Variants in CNBD1 observed in about 807,000 individuals in gnomAD.
The protein encoded by CNBD1 is cyclic nucleotide-binding domain-containing protein 1.
In CNBD1, 71 loss-of-function variants were observed where a neutral mutation model predicts 54.4. The observed-to-expected ratio is 1.30, with a 90% CI of 1.08 to 1.59. The LOEUF (loss-of-function observed/expected upper bound fraction) is 1.59. Ranked by LOEUF, CNBD1 falls within the 40% of genes most tolerant of loss-of-function variation. The pLI, the probability that CNBD1 is intolerant of heterozygous loss-of-function variation, is 0.00. For synonymous variants in CNBD1, 182 were observed against 170.7 expected, an observed-to-expected ratio of 1.07 and a Z score of -0.51; for missense variants, 659 against 518.0, an observed-to-expected ratio of 1.27 and a Z score of -2.64.
intron 10 of CNBD1, among the ~76,000 whole-genome samples, chr8:87,375,829 T>C (rs985971976): frequency 3.3e-5 from 5 of 151,924 alleles, no homozygotes; most frequent in African/African-American, 4.8e-5. Flanking sequence ...CGTCACTAAA[T>C]ACTTTCCTAA....
At chr8:87,141,114 T>C (rs953557047) in intron 4 of CNBD1, among the ~76,000 whole-genome samples, 4 of 152,218 alleles carry the variant, frequency 2.6e-5, no homozygotes, top group South Asian at 2.1e-4. Flanking sequence ...GTATTTACTA[T>C]TGGATTTTGT....
At chr8:87,193,376 GA>G (rs1423793513) in intron 4 of CNBD1, among the ~76,000 whole-genome samples, 2 of 152,030 alleles carry the variant, frequency 1.3e-5, no homozygotes, top group East Asian at 1.9e-4. Flanking sequence ...TTTTTAATTA[GA>G]AAAAAATCAC....
At position 87,395,952 on chromosome 8, in the gene CNBD1, G is replaced by A. The variant is rs539926127; in HGVS notation, c.214-32594G>A. On this transcript the variant is annotated intron_variant, in intron 2 of 7. Coordinates refer to the CNBD1 transcript ENST00000521593. ...ACTGCCGCCATGTGAAGAATGACAT[G>A]TTTACTTCCCCTTCTGCCATAATTG... Among the ~76,000 whole-genome samples, 5 of 151,980 alleles carry A rather than the reference G, an allele frequency of 3.3e-5. No individual in the cohort carries two copies. The South Asian group carries it at 1.0e-3, about 32-fold the overall frequency.
intron 4 of CNBD1, among the ~76,000 whole-genome samples, chr8:86,942,520 A>G (rs887559459): frequency 3.3e-5 from 5 of 152,208 alleles, no homozygotes; most frequent in African/African-American, 9.6e-5. Context: ...GATGGCTTTC[A>G]GCAGGGGGCC....
intron 10 of CNBD1, among the ~76,000 whole-genome samples, chr8:87,368,900 A>C (rs962045464): frequency 6.6e-6 from 1 of 151,850 alleles, no homozygotes; most frequent in Admixed American, 6.6e-5. Context: ...GCCCGCTTCC[A>C]AATGTCAGAT....
chr8:87,030,309 T>C (rs143526613), intron 4 of CNBD1, among the ~76,000 whole-genome samples: 3 of 152,320 alleles, frequency 2.0e-5, no homozygotes, highest in Non-Finnish European at 4.4e-5. Context: ...TCTCAAATTA[T>C]GATGTAATGG....
chr8:87,098,454 C>T (rs2130689450), intron 4 of CNBD1, among the ~76,000 whole-genome samples: 1 of 151,854 alleles, frequency 6.6e-6, no homozygotes, highest in South Asian at 2.1e-4. Flanking sequence ...TATGAGGTGT[C>T]CTGGGAGCAA....
intron 8 of CNBD1, 63 bp downstream of exon 8, chr8:87,286,734 C>T: frequency 1.8e-6 from 2 of 1,100,506 alleles, no homozygotes; most frequent in Admixed American, 2.5e-5. Context: ...AATTGAAATT[C>T]TTCATAGTTG....
chr8:87,304,445 A>G (rs1196775767), intron 8 of CNBD1, among the ~76,000 whole-genome samples: 1 of 151,744 alleles, frequency 6.6e-6, no homozygotes, highest in Non-Finnish European at 1.5e-5. Context: ...ATGAGAACAC[A>G]TGGACACAGG....
At chr8:87,179,126 G>A (rs190380185) in intron 4 of CNBD1, among the ~76,000 whole-genome samples, 39 of 152,246 alleles carry the variant, frequency 2.6e-4, no homozygotes, top group African/African-American at 8.7e-4. Flanking sequence ...GGCCAGGATA[G>A]TCTCGATCTC....
chr8:87,021,361 C>T (rs1279698594), intron 4 of CNBD1, among the ~76,000 whole-genome samples: 1 of 152,074 alleles, frequency 6.6e-6, no homozygotes, highest in Non-Finnish European at 1.5e-5. Context: ...TGTAGCAATT[C>T]TATTATCCTA....
At chr8:86,977,852 A>G (rs1428920773) in intron 4 of CNBD1, among the ~76,000 whole-genome samples, 1 of 152,174 alleles carries the variant, frequency 6.6e-6, no homozygotes, top group Non-Finnish European at 1.5e-5. Flanking sequence ...TTCAAAAACT[A>G]AAGAGAAGTG....
chr8:87,223,858 AC>A (rs1179964263), intron 5 of CNBD1, among the ~76,000 whole-genome samples: 2 of 152,118 alleles, frequency 1.3e-5, no homozygotes, highest in Non-Finnish European at 2.9e-5. Flanking sequence ...AGTCCCACCA[AC>A]AGTGTAAAAG....
At chr8:86,907,612 G>A (rs1451849164) in intron 3 of CNBD1, among the ~76,000 whole-genome samples, 2 of 151,338 alleles carry the variant, frequency 1.3e-5, no homozygotes, top group Admixed American at 6.6e-5. Context: ...AGGTTGCAGT[G>A]AGCCAAGATT....
intron 2 of CNBD1, among the ~76,000 whole-genome samples, chr8:87,406,056 A>G (rs776107601): frequency 3.3e-5 from 5 of 152,130 alleles, no homozygotes; most frequent in Non-Finnish European, 4.4e-5. Context: ...TTAAATATTT[A>G]TCAACCTAAA....
At chr8:87,162,338 A>T (rs941276632) in intron 4 of CNBD1, among the ~76,000 whole-genome samples, 2 of 152,120 alleles carry the variant, frequency 1.3e-5, no homozygotes, top group Non-Finnish European at 2.9e-5. Flanking sequence ...AAGCTTTGTG[A>T]TGGTAAAATT....
intron 2 of CNBD1, among the ~76,000 whole-genome samples, chr8:86,892,228 T>C (rs908472242): frequency 3.3e-5 from 5 of 152,106 alleles, no homozygotes; most frequent in Non-Finnish European, 7.4e-5. Context: ...TTTAGGTTCA[T>C]TCCTTCTGTT....
At chr8:87,158,536 C>T (rs1027488785) in intron 4 of CNBD1, among the ~76,000 whole-genome samples, 3 of 152,108 alleles carry the variant, frequency 2.0e-5, no homozygotes, top group African/African-American at 2.4e-5. Flanking sequence ...TACTTTTGAA[C>T]TCTGTTCATT....
chr8:87,226,706 A>T (rs955733271), intron 5 of CNBD1, among the ~76,000 whole-genome samples: 1 of 152,004 alleles, frequency 6.6e-6, no homozygotes, highest in African/African-American at 2.4e-5. Context: ...GCTGAAAAAA[A>T]TGTATATTCT....
Sources: gnomAD v4.1 joint callset for allele counts (sites outside exome capture counted in the v4.1 genomes callset) on GRCh38, gnomAD v4.1.1 for gene constraint, MANE v1.5 for transcripts, NCBI Gene and HGNC (gene_info 2026-07-23, HGNC 2026-07-21) for gene names.